Variants in TMCO5A observed in about 807,000 individuals in gnomAD.
TMCO5A encodes transmembrane and coiled-coil domains 5A, also known as transmembrane and coiled-coil domain-containing protein 5A.
Under a neutral mutation model 42.3 loss-of-function variants are expected in TMCO5A, and 34 were observed. The observed-to-expected ratio is 0.80, with a 90% CI of 0.61 to 1.07. The LOEUF (loss-of-function observed/expected upper bound fraction) is 1.07, where lower values mean the gene tolerates loss of function less well. Among genes scored for constraint, TMCO5A ranks in the 50% least tolerant of loss-of-function variants. The pLI, the probability that TMCO5A is intolerant of heterozygous loss-of-function variation, is 0.00. For synonymous variants in TMCO5A, 131 were observed against 115.6 expected (o/e 1.13, Z -0.86); for missense variants, 357 against 327.9 (o/e 1.09, Z -0.69).
chr15:37,939,309 C>T (rs962846775), intron 6 of TMCO5A, among the ~76,000 whole-genome samples: 1 of 151,972 alleles, frequency 6.6e-6, no homozygotes, highest in Admixed American at 6.6e-5. Flanking sequence ...TTGATGACCA[C>T]AAAAATAGGA....
chr15:37,997,768 C>T, the TMCO5A span, among the ~76,000 whole-genome samples: 4 of 152,094 alleles, frequency 2.6e-5, no homozygotes, highest in East Asian at 1.9e-4. Flanking sequence ...CTATTTTTAG[C>T]GTTTTGAGAA....
chr15:37,968,102 C>T (rs922079110), downstream of TMCO5A, among the ~76,000 whole-genome samples: 1 of 152,198 alleles, frequency 6.6e-6, no homozygotes, highest in Non-Finnish European at 1.5e-5. Context: ...TTTCATTCTT[C>T]AGTGCTAAGT....
At chr15:37,997,769 G>A in the TMCO5A span, among the ~76,000 whole-genome samples, 1 of 152,088 alleles carries the variant, frequency 6.6e-6, no homozygotes, top group Non-Finnish European at 1.5e-5. Flanking sequence ...TATTTTTAGC[G>A]TTTTGAGAAA....
chr15:37,969,580 G>T (rs915733598), downstream of TMCO5A, among the ~76,000 whole-genome samples: 1 of 152,094 alleles, frequency 6.6e-6, no homozygotes, highest in African/African-American at 2.4e-5. Context: ...TTAGGTTCAG[G>T]GGTACATGTG....
intron 10 of TMCO5A, chr15:37,943,696 A>C: frequency 3.0e-6 from 1 of 330,662 alleles, no homozygotes; most frequent in Non-Finnish European, 5.7e-6. Flanking sequence ...TGCTCTATAG[A>C]AAGAGGCCAA....
downstream of TMCO5A, among the ~76,000 whole-genome samples, chr15:37,954,267 C>T (rs1890230779): frequency 6.6e-6 from 1 of 151,640 alleles, no homozygotes; most frequent in Non-Finnish European, 1.5e-5. Flanking sequence ...ATCAAATTCC[C>T]AAAGGTCAAG....
downstream of TMCO5A, among the ~76,000 whole-genome samples, chr15:37,955,792 ATTC>A (rs1433505731): frequency 6.6e-6 from 1 of 152,160 alleles, no homozygotes; most frequent in Non-Finnish European, 1.5e-5. Context: ...CAGAATATAC[ATTC>A]TTCTCAGCAC....
intron 8 of TMCO5A, 98 bp downstream of exon 8, chr15:37,941,828 C>A: frequency 9.6e-7 from 1 of 1,038,968 alleles, no homozygotes; most frequent in Non-Finnish European, 1.5e-6. Context: ...GCAATTTCAA[C>A]AGTTCAAGGT....
the TMCO5A span, among the ~76,000 whole-genome samples, chr15:37,988,127 T>G: frequency 6.6e-6 from 1 of 152,018 alleles, no homozygotes; most frequent in Non-Finnish European, 1.5e-5. Flanking sequence ...AAATGAAATT[T>G]TATTAATTTC....
chr15:38,036,206 G>A, the TMCO5A span, among the ~76,000 whole-genome samples: 1 of 152,174 alleles, frequency 6.6e-6, no homozygotes, highest in Admixed American at 6.5e-5. Flanking sequence ...ACCCAGGTCT[G>A]CTAGTGGAGG....
chr15:37,955,561 T>C (rs1890266230), downstream of TMCO5A, among the ~76,000 whole-genome samples: 1 of 152,166 alleles, frequency 6.6e-6, no homozygotes, highest in African/African-American at 2.4e-5. Flanking sequence ...TAAATATATA[T>C]GCACCCAATA....
chr15:37,940,918 A>C (rs906474324), intron 6 of TMCO5A, among the ~76,000 whole-genome samples: 9 of 152,094 alleles, frequency 5.9e-5, no homozygotes, highest in Non-Finnish European at 1.2e-4. Flanking sequence ...TCAGAATTGA[A>C]GTTTAGGGGT....
chr15:37,973,645 A>T, the TMCO5A span, among the ~76,000 whole-genome samples: 21 of 152,220 alleles, frequency 1.4e-4, no homozygotes, highest in African/African-American at 4.6e-4. Context: ...GAAGTTGTTT[A>T]TCAGCTGAAG....
chr15:37,984,724 TCCACC>T, the TMCO5A span: 1 of 140,836 alleles, frequency 7.1e-6, no homozygotes, highest in African/African-American at 2.8e-5. Context: ...TTTCCACTCT[TCCACC>T]TTGTGAGGAC....
chr15:37,982,253 C>A, the TMCO5A span, among the ~76,000 whole-genome samples: 5 of 151,952 alleles, frequency 3.3e-5, no homozygotes, highest in Admixed American at 3.3e-4. Flanking sequence ...CACCTTAAAT[C>A]TTCAGAATAT....
chr15:37,956,489 A>G (rs1890295042), intron 11 of TMCO5A, among the ~76,000 whole-genome samples: 1 of 152,222 alleles, frequency 6.6e-6, no homozygotes, highest in Non-Finnish European at 1.5e-5. Flanking sequence ...TAGAAAATCT[A>G]GAAGAAATGG....
chr15:38,004,764 G>A, the TMCO5A span: 1 of 152,200 alleles, frequency 6.6e-6, no homozygotes, highest in South Asian at 2.1e-4. Flanking sequence ...GAGAAGTGAT[G>A]GAGGCGATTC....
At chr15:38,013,830 T>C in the TMCO5A span, among the ~76,000 whole-genome samples, 1 of 152,238 alleles carries the variant, frequency 6.6e-6, no homozygotes. Context: ...TATACAAATT[T>C]ATTTTCCTAC....
the TMCO5A span, among the ~76,000 whole-genome samples, chr15:38,035,008 A>G: frequency 6.6e-6 from 1 of 152,190 alleles, no homozygotes; most frequent in South Asian, 2.1e-4. Flanking sequence ...GGCAAGCTGC[A>G]CCACCTTGTA....
Sources: allele counts gnomAD v4.1 joint callset (sites outside exome capture counted in the v4.1 genomes callset), GRCh38; gene constraint gnomAD v4.1.1; transcripts MANE v1.5; gene names NCBI Gene and HGNC (gene_info 2026-07-23, HGNC 2026-07-21).